The following TYK2 variants were observed in gnomAD, a reference collection of about 807,000 sequenced individuals.
The protein encoded by TYK2 is tyrosine kinase 2.
A neutral mutation model predicts 130.9 loss-of-function variants in TYK2; 65 were observed. That is an observed-to-expected ratio of 0.50 (90% CI 0.41 to 0.61). The LOEUF (loss-of-function observed/expected upper bound fraction) is 0.61, where lower values mean the gene tolerates loss of function less well. TYK2 is among the 20% of genes least tolerant of loss of function. The pLI is 0.00. For missense variants in TYK2, 1,378 were observed against 1,610.7 expected, an observed-to-expected ratio of 0.86 and a Z score of 2.47; for synonymous variants, 647 against 658.9, an observed-to-expected ratio of 0.98 and a Z score of 0.28.
intron 5 of TYK2, 92 bp downstream of exon 5, chr19:10,367,963 T>C: frequency 7.0e-7 from 1 of 1,430,100 alleles, no homozygotes; most frequent in Non-Finnish European, 9.8e-7. Context: ...TTGAAACCTA[T>C]TAGCTATATT....
chr19:10,350,700 T>C lies in TYK2; in HGVS notation c.*134A>G, dbSNP rs12720334. On this transcript the variant is annotated 3_prime_UTR_variant, in exon 25 of 25. Coordinates refer to ENST00000525621, the MANE Select transcript of TYK2 (RefSeq NM_003331.5). Reference sequence around the variant, plus strand: ...AATAAGTTCACAGAGGTGGGGTCTCTAGACAGGAGTAAGGCACACGGTGTG... The same window carrying C: ...AATAAGTTCACAGAGGTGGGGTCTCCAGACAGGAGTAAGGCACACGGTGTG... 6.3e-3 allele frequency: 6,867 copies of C among 1,097,606 alleles called. 286 individuals carry two copies. The African/African-American group carries it at 0.096, about 15-fold the overall frequency. 68.0% of individuals were successfully genotyped at this position (1,097,606 alleles called of 1,614,324 possible).
At position 10,351,154 on chromosome 19, in the gene TYK2, A is replaced by C; in HGVS notation, c.3327T>G (p.Leu1109=). Reference sequence around the variant, plus strand: ...GACCCTGAGCAATGCCTATGAGCTCAAGGAATTTCTACAGTATAAACAAGA... The same window carrying C: ...GACCCTGAGCAATGCCTATGAGCTCCAGGAATTTCTACAGTATAAACAAGA... The part of the protein sequence containing the change: ...DSSQSPPTKF[L]ELIGIAQGQM... The change falls in exon 24 of 25, where the codon CTT becomes CTG. Residue 1109 remains leucine, a synonymous_variant. Coordinates refer to ENST00000525621, the MANE Select transcript of TYK2 (RefSeq NM_003331.5). The C allele has an allele frequency of 6.2e-7, 1 of 1,613,320 alleles. No homozygotes were observed. The highest frequency in any genetic ancestry group is 1.1e-5 in the South Asian group (1 of 91,038).
rs1365671744 is a variant in TYK2, at chr19:10,379,626, T to A, written c.-32A>T. 1 of 151,854 alleles carries A rather than the reference T, an allele frequency of 6.6e-6. No homozygotes were observed. The highest frequency in any genetic ancestry group is 1.5e-5 in the Non-Finnish European group (1 of 67,940). 9.4% of individuals were successfully genotyped at this position (151,854 alleles called of 1,614,324 possible). ...GTGGTCAAACATACCTGAGGGTGAGTCCTGGAGCTCCCTGTGTCAACTCAA... is the reference window on the plus strand; with the variant it reads ...GTGGTCAAACATACCTGAGGGTGAGACCTGGAGCTCCCTGTGTCAACTCAA... On this transcript the variant is annotated 5_prime_UTR_variant, in exon 2 of 25. Transcript: ENST00000525621.
intron 1 of TYK2, among the ~76,000 whole-genome samples, 191 bp from the exon 2 acceptor site, chr19:10,379,970 A>G (rs921977110): frequency 2.1e-4 from 32 of 152,116 alleles, no homozygotes; most frequent in South Asian, 2.1e-3. Flanking sequence ...CATCCCCCCA[A>G]TCCAGGGCCT....
At position 10,353,541 on chromosome 19, in the gene TYK2, T is replaced by A. The variant is rs1213116642; in HGVS notation, c.3014A>T (p.Gln1005Leu). The change falls in exon 21 of 25, where the codon CAG becomes CTG. Residue 1005 changes from glutamine (Q) to leucine (L), a missense_variant. Gln to Leu is a moderately radical substitution (Grantham distance 113). Transcript: ENST00000525621. This position sits in a 1 kb window ranked among gnomAD's most constrained non-coding sequence, Gnocchi z 6.9. ...IGLAQLLLFA[Q>L]QICEGMAYLH... The stretch of plus-strand genomic sequence containing the variant: ...GGGCCGACCAACCTCGCAGATCTGC[T>A]GGGCGAAGAGCAGCAGCTGGGCCAG... The A allele has an allele frequency of 4.7e-6, 7 of 1,496,976 alleles. No individual in the cohort carries two copies. Among genetic ancestry groups the A allele is most frequent in the East Asian group, 2.4e-5 (1 of 41,288 alleles). 92.7% of individuals were successfully genotyped at this position (1,496,976 alleles called of 1,614,324 possible). A position where few individuals can be genotyped will look rare whatever the true frequency, so the allele number is the denominator to read the frequency against.
At chr19:10,354,014 T>A (rs377141021) in intron 20 of TYK2, 28 bp downstream of exon 20, 3 of 1,611,480 alleles carry the variant, frequency 1.9e-6, no homozygotes, top group African/African-American at 2.7e-5. Flanking sequence ...CCCCCTCAAG[T>A]CTCTAGGACT....
At chr19:10,358,343 C>G (rs1366745203) in intron 15 of TYK2, among the ~76,000 whole-genome samples, 1 of 130,132 alleles carries the variant, frequency 7.7e-6, no homozygotes, top group African/African-American at 3.0e-5. Context: ...CTCTGTCTCT[C>G]AGGTTGGAGT....
intron 15 of TYK2, 40 bp downstream of exon 15, chr19:10,359,135 C>T (rs2041261766): frequency 4.4e-6 from 7 of 1,596,448 alleles, no homozygotes; most frequent in Non-Finnish European, 5.9e-6. Context: ...GGCTCCTGGC[C>T]CTCCCTGACC....
chr19:10,368,559 G>T, intron 3 of TYK2, 141 bp from the exon 4 acceptor site: 1 of 1,269,622 alleles, frequency 7.9e-7, no homozygotes. Context: ...CGTTGCCCCT[G>T]GGCAGAGGAC....
At chr19:10,372,135 C>A (rs377377865) in intron 3 of TYK2, among the ~76,000 whole-genome samples, 14 of 151,290 alleles carry the variant, frequency 9.3e-5, no homozygotes, top group African/African-American at 3.2e-4. Flanking sequence ...GGACTACAGG[C>A]GCCCGCCACC....
rs2040960541 is a variant in TYK2, at chr19:10,354,129, G to A, written c.2821C>T (p.Arg941Cys). 2 of 1,614,046 alleles carry A rather than the reference G, an allele frequency of 1.2e-6. No individual in the cohort carries two copies. The highest frequency in any genetic ancestry group is 1.6e-4 in the Middle Eastern group (1 of 6,062). Residue 941 changes from arginine to cysteine, a missense_variant, in exon 20 of 25, where the codon CGC becomes TGC. By Grantham distance (180) the Arg-to-Cys change is radical. Coordinates refer to ENST00000525621, the MANE Select transcript of TYK2 (RefSeq NM_003331.5). Reference protein sequence around the residue: ...ALKADCGPQHRSGWKQEIDIL... With the variant: ...ALKADCGPQHCSGWKQEIDIL... ...TCAATCTCCTGCTTCCAGCCCGAGC[G>A]GTGCTGGGGGCCGCAGTCTGCCTTG...
At position 10,359,067 on chromosome 19, in the gene TYK2, A is replaced by AAAAC. The variant is rs143429818; in HGVS notation, c.2175+104_2175+107dup. 0.087 allele frequency: 127,924 copies of AAAAC among 1,465,896 alleles called. 6,582 individuals are homozygous for AAAAC. Among genetic ancestry groups the AAAAC allele is most frequent in the African/African-American group, 0.21 (14,819 of 71,552 alleles). 90.8% of individuals were successfully genotyped at this position (1,465,896 alleles called of 1,614,324 possible). On this transcript the variant is annotated intron_variant, in intron 15 of 24. Transcript: ENST00000525621. ...GACAGGGCGAAACTCCACCTAAAAC[A>AAAAC]AAACAAACAAAAAAGATGGGGTCTC...
intron 22 of TYK2, 115 bp downstream of exon 22, chr19:10,352,811 C>T (rs2040879061): frequency 7.3e-7 from 1 of 1,365,312 alleles, no homozygotes; most frequent in Non-Finnish European, 9.9e-7. Context: ...CACCGCTAGG[C>T]CCCGCCGCGC....
chr19:10,361,779 G>A lies in TYK2; in HGVS notation c.1950C>T (p.Asp650=), dbSNP rs1473482257. Residue 650 remains aspartate, a synonymous_variant, in exon 13 of 25, where the codon GAC becomes GAT. Coordinates refer to ENST00000525621, the MANE Select transcript of TYK2 (RefSeq NM_003331.5). The surrounding 1 kb of genome is among the most constrained non-coding windows in gnomAD (Gnocchi z 4.0). The part of the protein sequence containing the change: ...VLKVLDPSHH[D]IALAFYETAS... ...GGCCCTGCCCACTCACCAGGGCGAT[G>A]TCATGGTGACTAGGGTCCAGCACTT... 4 of 1,613,172 alleles carry A rather than the reference G, an allele frequency of 2.5e-6. No homozygotes were observed. The South Asian group carries it at 4.4e-5, about 18-fold the overall frequency.
rs749507468 is a variant in TYK2 at position 10,350,988 on chromosome 19, C to G, written c.3430-20G>C. On this transcript the variant is annotated intron_variant, in intron 24 of 24. Transcript: ENST00000525621. ...ATAGACCTAGAAGGAAAAACCAGGG[C>G]TGGTGGGGGCTGCCCTCTCCACAGC... is the stretch of plus-strand genomic sequence containing the variant. 3.1e-6 allele frequency: 5 copies of G among 1,614,048 alleles called. No homozygotes were observed. In the Admixed American group the frequency reaches 8.3e-5, roughly 27 times the overall value.
intron 3 of TYK2, among the ~76,000 whole-genome samples, chr19:10,369,569 T>A (rs941092031): frequency 1.3e-5 from 2 of 151,790 alleles, no homozygotes; most frequent in Non-Finnish European, 2.9e-5. Flanking sequence ...ATCTTCAACC[T>A]CTCCCACCTG....
intron 3 of TYK2, 69 bp downstream of exon 3, chr19:10,378,145 G>A: frequency 6.5e-7 from 1 of 1,540,300 alleles, no homozygotes; most frequent in Non-Finnish European, 8.9e-7. Flanking sequence ...TGGATAGACG[G>A]ATGGATGGGG....
chr19:10,354,271 C>T (rs1430820949), intron 19 of TYK2, 37 bp from the exon 20 acceptor site: 18 of 1,603,904 alleles, frequency 1.1e-5, no homozygotes, highest in Non-Finnish European at 1.4e-5. Flanking sequence ...TCCACCTCCC[C>T]AATCCCTGCA....
In TYK2 at chr19:10,364,745, C is replaced by T. The variant is rs56212434; in HGVS notation, c.1236G>A (p.Ala412=). The change falls in exon 9 of 25, where the codon GCG becomes GCA. Residue 412 remains alanine, a synonymous_variant. Coordinates refer to ENST00000525621, the MANE Select transcript of TYK2 (RefSeq NM_003331.5). This position sits in a 1 kb window ranked among gnomAD's most constrained non-coding sequence, Gnocchi z 4.9. ...CLELSLPSRA[A]ALSFVSLVDG... Reference sequence around the variant, plus strand: ...CCACCAGCGACACGAAGGACAGCGCCGCAGCCCGGGAAGGCAAGCTCAGCT... The same window carrying T: ...CCACCAGCGACACGAAGGACAGCGCTGCAGCCCGGGAAGGCAAGCTCAGCT... 1.6e-4 allele frequency: 263 copies of T among 1,613,804 alleles called. 1 individual carries two copies. The highest frequency in any genetic ancestry group is 2.1e-4 in the Non-Finnish European group (252 of 1,179,994).
Sources: gnomAD v4.1 joint callset for allele counts (sites outside exome capture counted in the v4.1 genomes callset) on GRCh38, gnomAD v4.1.1 for gene constraint, Gnocchi (gnomAD v3.1) non-coding constraint, MANE v1.5 for transcripts, NCBI Gene and HGNC (gene_info 2026-07-23, HGNC 2026-07-21) for gene names.